The following WDPCP variants were observed in gnomAD, a reference collection of about 807,000 sequenced individuals.
The protein encoded by WDPCP is WD repeat-containing and planar cell polarity effector protein fritz homolog.
Under a neutral mutation model 93.1 loss-of-function variants are expected in WDPCP, and 71 were observed. That is an observed-to-expected ratio of 0.76 (90% CI 0.63 to 0.93). WDPCP has a LOEUF of 0.93. WDPCP is among the 40% of genes least tolerant of loss of function. The pLI is 0.00. For missense variants in WDPCP, 844 were observed against 887.4 expected (o/e 0.95, Z 0.62); for synonymous variants, 315 against 315.0 (o/e 1.00, Z 0.00).
chr2:63,593,318 TCCCAACCTCAGGTGATCCGCCTGC>T (rs1181189112), upstream of WDPCP: 4 of 276,868 alleles, frequency 1.4e-5, no homozygotes, highest in Non-Finnish European at 2.9e-5. Context: ...GGTCTCAAAC[TCCCAACCTCAGGTGATCCGCCTGC>T]CTCAGCCTCC....
chr2:63,623,007 C>T (rs1353889538), intron 3 of WDPCP, among the ~76,000 whole-genome samples: 6 of 152,204 alleles, frequency 3.9e-5, no homozygotes, highest in African/African-American at 1.4e-4. Context: ...TGTCCGACCG[C>T]GCGCCACTTC....
intron 2 of WDPCP, among the ~76,000 whole-genome samples, chr2:63,760,785 C>G (rs1315771140): frequency 6.6e-6 from 1 of 152,184 alleles, no homozygotes; most frequent in Non-Finnish European, 1.5e-5. Flanking sequence ...AGGATGCCCT[C>G]TGTGTGACAG....
At chr2:63,596,812 A>C (rs1278567279) in intron 3 of WDPCP, among the ~76,000 whole-genome samples, 1 of 152,218 alleles carries the variant, frequency 6.6e-6, no homozygotes, top group East Asian at 1.9e-4. Flanking sequence ...ACTGGAGCAT[A>C]GTGGTTGAAC....
chr2:63,375,650 T>G (rs1290086355), intron 12 of WDPCP, among the ~76,000 whole-genome samples: 1 of 151,918 alleles, frequency 6.6e-6, no homozygotes, highest in Non-Finnish European at 1.5e-5. Flanking sequence ...CCAAAAAGTG[T>G]AAAGCAATGT....
intron 15 of WDPCP, among the ~76,000 whole-genome samples, chr2:63,171,777 G>A (rs1335678248): frequency 6.6e-6 from 1 of 152,118 alleles, no homozygotes; most frequent in Non-Finnish European, 1.5e-5. Flanking sequence ...GCCCCAAAAT[G>A]GAAATAACCC....
chr2:63,575,512 A>ATGCACTG (rs1708024952), intron 1 of WDPCP, among the ~76,000 whole-genome samples: 3 of 105,736 alleles, frequency 2.8e-5, no homozygotes, highest in African/African-American at 1.2e-4. Context: ...TATACACTGT[A>ATGCACTG]TATATAGTAT....
intron 6 of WDPCP, among the ~76,000 whole-genome samples, chr2:63,477,008 T>C (rs979778974): frequency 6.6e-6 from 1 of 152,182 alleles, no homozygotes. Flanking sequence ...ATGGAAACCA[T>C]GGTACAGCTG....
intron 3 of WDPCP, among the ~76,000 whole-genome samples, chr2:63,594,123 G>A (rs1291729993): frequency 6.6e-6 from 1 of 152,214 alleles, no homozygotes; most frequent in Non-Finnish European, 1.5e-5. Flanking sequence ...CTATTGAGCA[G>A]ATGGGAGTGG....
chr2:63,793,870 TTGTGTGTGTGTGTGTGTGTG>T (rs35714297), intron 2 of WDPCP, among the ~76,000 whole-genome samples: 1 of 145,268 alleles, frequency 6.9e-6, no homozygotes, highest in Non-Finnish European at 1.5e-5. Context: ...AGTACTTACA[TTGTGTGTGTGTGTGTGTGTG>T]TGTGTGTGTG....
chr2:63,444,139 A>T (rs896612701), intron 6 of WDPCP, among the ~76,000 whole-genome samples: 11 of 152,140 alleles, frequency 7.2e-5, no homozygotes, highest in African/African-American at 2.7e-4. Flanking sequence ...AAGAGATCTA[A>T]GGTCTGAGCT....
At chr2:63,808,334 T>G (rs999091833) in intron 2 of WDPCP, among the ~76,000 whole-genome samples, 19 of 126,010 alleles carry the variant, frequency 1.5e-4, no homozygotes, top group African/African-American at 4.4e-4. Flanking sequence ...CTCTCCCCTC[T>G]CCCCTCTCCC....
intron 6 of WDPCP, among the ~76,000 whole-genome samples, chr2:63,459,278 C>A (rs1311049890): frequency 6.6e-6 from 1 of 152,076 alleles, no homozygotes; most frequent in Admixed American, 6.5e-5. Flanking sequence ...AGTGAAGAAA[C>A]AACCTCTTGT....
rs35435328 is a variant in WDPCP at position 63,449,047 on chromosome 2, A to C, written c.385-9176T>G. On this transcript the variant is annotated intron_variant, in intron 6 of 17. Coordinates refer to ENST00000272321, the MANE Select transcript of WDPCP (RefSeq NM_015910.7). ...AAAAAAATGGTATGTGAGATGATGGATATGTTAACTAGCTTGATTTAATCA... is the reference window on the plus strand; with the variant it reads ...AAAAAAATGGTATGTGAGATGATGGCTATGTTAACTAGCTTGATTTAATCA... Among the ~76,000 whole-genome samples, 836 of 152,330 alleles carry C rather than the reference A, an allele frequency of 5.5e-3. 3 individuals carry two copies. Among genetic ancestry groups the C allele is most frequent in the Non-Finnish European group, 9.0e-3 (612 of 68,028 alleles).
At chr2:63,804,800 C>T (rs1331114490) in intron 2 of WDPCP, among the ~76,000 whole-genome samples, 11 of 151,680 alleles carry the variant, frequency 7.3e-5, no homozygotes, top group South Asian at 4.2e-4. Context: ...GAGGCCGAGG[C>T]GAGCAGATCA....
chr2:63,832,713 C>G (rs779178338), upstream of WDPCP, among the ~76,000 whole-genome samples: 1 of 152,132 alleles, frequency 6.6e-6, no homozygotes, highest in Non-Finnish European at 1.5e-5. Flanking sequence ...TTTGATAGTT[C>G]ATTGAACAAA....
intron 2 of WDPCP, among the ~76,000 whole-genome samples, chr2:63,722,558 TGG>T (rs561385087): frequency 1.0e-4 from 5 of 49,890 alleles, no homozygotes; most frequent in Admixed American, 1.9e-4. Flanking sequence ...GGGAGGGAGG[TGG>T]GGGGGGGTCA....
chr2:63,654,469 T>C (rs1710142485), intron 2 of WDPCP, among the ~76,000 whole-genome samples: 1 of 152,218 alleles, frequency 6.6e-6, no homozygotes, highest in Admixed American at 6.5e-5. Flanking sequence ...GATCAGAGGA[T>C]GGATTTTTCT....
chr2:63,613,822 C>G (rs899379887), intron 3 of WDPCP, among the ~76,000 whole-genome samples: 1 of 152,186 alleles, frequency 6.6e-6, no homozygotes, highest in Non-Finnish European at 1.5e-5. Context: ...GAGAGGTTAT[C>G]TCTGGTATTT....
chr2:63,408,271 C>T (rs978757036), intron 9 of WDPCP, among the ~76,000 whole-genome samples: 5 of 152,084 alleles, frequency 3.3e-5, no homozygotes, highest in Admixed American at 6.5e-5. Context: ...GCCCCAACTG[C>T]GGAGTGGGAA....
Sources: gnomAD v4.1 joint callset for allele counts (sites outside exome capture counted in the v4.1 genomes callset) on GRCh38, gnomAD v4.1.1 for gene constraint, MANE v1.5 for transcripts, NCBI Gene and HGNC (gene_info 2026-07-23, HGNC 2026-07-21) for gene names.